RTL10: variants seen among roughly 807,000 people sequenced by gnomAD.
The protein encoded by RTL10 is retrotransposon Gag like 10, also known as protein Bop.
For synonymous variants in RTL10, 199 were observed against 188.4 expected, an observed-to-expected ratio of 1.06 and a Z score of -0.46; for missense variants, 477 against 470.7, an observed-to-expected ratio of 1.01 and a Z score of -0.12.
chr22:19,849,229 C>T lies in RTL10; in HGVS notation c.*1938G>A. On this transcript the variant is annotated 3_prime_UTR_variant, in exon 3 of 3. Transcript: ENST00000328554. ...GCTTCCCACCTATTTCCAAGGTTTC[C>T]AGTTGTTTTACCTACAAGGTATCTG... is the stretch of plus-strand genomic sequence containing the variant. The T allele has an allele frequency of 1.0e-6, 1 of 985,350 alleles. No individual in the cohort carries two copies. The highest frequency in any genetic ancestry group is 5.2e-4 in the Middle Eastern group (1 of 1,914). The allele number at this position is 985,350 out of a possible 1,614,324, so 61.0% of individuals were successfully genotyped here. A position where few individuals can be genotyped will look rare whatever the true frequency, so the allele number is the denominator to read the frequency against.
rs934459745 is a variant in RTL10, at chr22:19,850,645, T to C, written c.*522A>G. On this transcript the variant is annotated 3_prime_UTR_variant, in exon 3 of 3. Coordinates refer to ENST00000328554, the MANE Select transcript of RTL10 (RefSeq NM_024627.6). ...ATCCCCCAGAATCAAAGTGGCCACT[T>C]CCTCCAGGCAGCCTTCCTCACATTC... 15 of 1,225,804 alleles carry C rather than the reference T, an allele frequency of 1.2e-5. No homozygotes were observed. The highest frequency in any genetic ancestry group is 1.6e-5 in the African/African-American group (1 of 64,244). 75.9% of individuals were successfully genotyped at this position (1,225,804 alleles called of 1,614,324 possible).
rs1194833790 is a variant in RTL10 at position 19,847,385 on chromosome 22, C to T, written c.*3782G>A. 1.0e-6 allele frequency: 1 copy of T among 985,294 alleles called. No homozygotes were observed. Among genetic ancestry groups the T allele is most frequent in the Admixed American group, 6.2e-5 (1 of 16,254 alleles). The allele number at this position is 985,294 out of a possible 1,614,324, so 61.0% of individuals were successfully genotyped here. A position where few individuals can be genotyped will look rare whatever the true frequency, so the allele number is the denominator to read the frequency against. On this transcript the variant is annotated 3_prime_UTR_variant, in exon 3 of 3. Coordinates refer to ENST00000328554, the MANE Select transcript of RTL10 (RefSeq NM_024627.6). ...TTATTGCTGGATCTTTGGGCTTTTCCAGTTCTGCTGTTCAAAAAACAGTGA... is the reference window on the plus strand; with the variant it reads ...TTATTGCTGGATCTTTGGGCTTTTCTAGTTCTGCTGTTCAAAAAACAGTGA...
chr22:19,851,891 T>C lies in RTL10; in HGVS notation c.371A>G (p.Tyr124Cys), dbSNP rs1208175241. The C allele has an allele frequency of 1.2e-6, 2 of 1,613,936 alleles. No homozygotes were observed. Among genetic ancestry groups the C allele is most frequent in the Non-Finnish European group, 1.7e-6 (2 of 1,180,038 alleles). The change falls in exon 3 of 3, where the codon TAC becomes TGC. Residue 124 changes from tyrosine to cysteine, a missense_variant. By Grantham distance (194) the Tyr-to-Cys change is radical (BLOSUM62 -2). Coordinates refer to ENST00000328554, the MANE Select transcript of RTL10 (RefSeq NM_024627.6). ...ATAGTGCTCAAAGTGGAAGGACATG[T>C]AATCGCCCAGCTGGGCCAAGAAGCG... Reference protein sequence around the residue: ...LDRFLAQLGDYMSFHFEHYQD... With the variant: ...LDRFLAQLGDCMSFHFEHYQD...
chr22:19,854,277 G>A (rs1938183243), intron 2 of RTL10, among the ~76,000 whole-genome samples, 166 bp downstream of exon 2: 1 of 152,212 alleles, frequency 6.6e-6, no homozygotes, highest in Admixed American at 6.5e-5. Context: ...CACCTGGAAC[G>A]CTGGAGCCGT....
rs1937997524 is a variant in RTL10, at chr22:19,847,804, C to CAAACAAAAAAAAAAAAAAA, written c.*3362_*3363insTTTTTTTTTTTTTTTGTTT. 1 of 533,108 alleles carries CAAACAAAAAAAAAAAAAAA rather than the reference C, an allele frequency of 1.9e-6. No individual in the cohort carries two copies. The highest frequency in any genetic ancestry group is 2.9e-5 in the African/African-American group (1 of 34,590). The allele number at this position is 533,108 out of a possible 1,614,324, so 33.0% of individuals were successfully genotyped here. A position where few individuals can be genotyped will look rare whatever the true frequency, so the allele number is the denominator to read the frequency against. On this transcript the variant is annotated 3_prime_UTR_variant, in exon 3 of 3. Coordinates refer to ENST00000328554, the MANE Select transcript of RTL10 (RefSeq NM_024627.6). ...ACTTTTAAAATCCTGGAATCATAGG[C>CAAACAAAAAAAAAAAAAAA]AAAAAAAAAAAAAAAAAAAAATTCA...
chr22:19,851,321 G>C lies in RTL10; in HGVS notation c.941C>G (p.Pro314Arg), dbSNP rs148997148. The stretch of plus-strand genomic sequence containing the variant: ...TGGACCTCCTGGATGAGCTGGGTCT[G>C]GTCTCTGGGCAGGAGGATTAGCTGA... ...SESANPPAQRPDPAHPGGPKP... is the reference protein window; with the variant it reads ...SESANPPAQRRDPAHPGGPKP... Residue 314 changes from proline (P) to arginine (R), a missense_variant, in exon 3 of 3, where the codon CCA becomes CGA. Transcript: ENST00000328554. 2.5e-6 allele frequency: 4 copies of C among 1,613,996 alleles called. No homozygotes were observed. Among genetic ancestry groups the C allele is most frequent in the African/African-American group, 2.7e-5 (2 of 74,914 alleles).
At position 19,852,110 on chromosome 22, in the gene RTL10, C is replaced by G. The variant is rs1166128441; in HGVS notation, c.152G>C (p.Cys51Ser). 6 of 1,614,126 alleles carry G rather than the reference C, an allele frequency of 3.7e-6. No individual in the cohort carries two copies. In the African/African-American group the frequency reaches 5.3e-5, roughly 14 times the overall value. The change falls in exon 3 of 3, where the codon TGC becomes TCC. Residue 51 changes from cysteine (C) to serine (S), a missense_variant. Cys to Ser is a moderately radical substitution (Grantham distance 112). Coordinates refer to ENST00000328554, the MANE Select transcript of RTL10 (RefSeq NM_024627.6). ...TCGCACACACACGGTGTCCCCACAG[C>G]AGGGCCGCTCAATCCAGGGATCCAC... ...PLVDPWIERPCCGDTVCVRTT... is the reference protein window; with the variant it reads ...PLVDPWIERPSCGDTVCVRTT...
rs899836963 is a variant in RTL10 at position 19,854,844 on chromosome 22, T to A, written c.-507A>T. 2 of 152,270 alleles carry A rather than the reference T, an allele frequency of 1.3e-5. No individual in the cohort carries two copies. Among genetic ancestry groups the A allele is most frequent in the Admixed American group, 6.5e-5 (1 of 15,288 alleles). The allele number at this position is 152,270 out of a possible 1,614,324, so 9.4% of individuals were successfully genotyped here. A position where few individuals can be genotyped will look rare whatever the true frequency, so the allele number is the denominator to read the frequency against. On this transcript the variant is annotated 5_prime_UTR_variant, in exon 1 of 3. Transcript: ENST00000328554. ...CCCTCTTGCCGGAGTCGGGAACGCC[T>A]GCTCCTAGGAGCGCCGCGCAGCGTC... is the stretch of plus-strand genomic sequence containing the variant.
rs181133678 is a variant in RTL10, at chr22:19,849,054, G to A, written c.*2113C>T. 5.1e-4 allele frequency: 503 copies of A among 985,436 alleles called. 1 individual carries two copies. The highest frequency in any genetic ancestry group is 3.7e-3 in the Middle Eastern group (7 of 1,914). The allele number at this position is 985,436 out of a possible 1,614,324, so 61.0% of individuals were successfully genotyped here. On this transcript the variant is annotated 3_prime_UTR_variant, in exon 3 of 3. Coordinates refer to ENST00000328554, the MANE Select transcript of RTL10 (RefSeq NM_024627.6). ...GGGGATGGGGCCTGAGTCATCGGAC[G>A]GAGGGCAGCTGTGACCTGGCACAGA...
chr22:19,853,860 G>A (rs916593484), intron 2 of RTL10, among the ~76,000 whole-genome samples: 5 of 152,188 alleles, frequency 3.3e-5, no homozygotes, highest in African/African-American at 1.2e-4. Context: ...CCGATCCAGG[G>A]CCCAGCTCCC....
chr22:19,851,478 C>T lies in RTL10; in HGVS notation c.784G>A (p.Glu262Lys). ...GGCTCCTTGGGCCCAGGGGTGCTCT[C>T]CTTGGTCAGCTGCTGCTCGAACAGA... Reference protein sequence around the residue: ...SALFEQQLTKESTPGPKEPPV... With the variant: ...SALFEQQLTKKSTPGPKEPPV... Residue 262 changes from glutamate (E) to lysine (K), a missense_variant, in exon 3 of 3, where the codon GAG becomes AAG. Coordinates refer to ENST00000328554, the MANE Select transcript of RTL10 (RefSeq NM_024627.6). 6.2e-7 allele frequency: 1 copy of T among 1,614,102 alleles called. No homozygotes were observed. Among genetic ancestry groups the T allele is most frequent in the Non-Finnish European group, 8.5e-7 (1 of 1,180,028 alleles).
rs773329957 is a variant in RTL10, at chr22:19,847,203, G to A, written c.*3964C>T. The A allele has an allele frequency of 1.8e-5, 18 of 985,362 alleles. No individual in the cohort carries two copies. Among genetic ancestry groups the A allele is most frequent in the Non-Finnish European group, 2.2e-5 (18 of 829,978 alleles). The allele number at this position is 985,362 out of a possible 1,614,324, so 61.0% of individuals were successfully genotyped here. A position where few individuals can be genotyped will look rare whatever the true frequency, so the allele number is the denominator to read the frequency against. ...TCCAGGTAGGCTGTCGTCAGCACAGGTCTGACAGGCCCCAGCCACGGTGGC... is the reference window on the plus strand; with the variant it reads ...TCCAGGTAGGCTGTCGTCAGCACAGATCTGACAGGCCCCAGCCACGGTGGC... On this transcript the variant is annotated 3_prime_UTR_variant, in exon 3 of 3. Coordinates refer to ENST00000328554, the MANE Select transcript of RTL10 (RefSeq NM_024627.6).
Position 19,851,588 on chromosome 22 carries a change from AG to A in RTL10, c.673del (p.Leu225SerfsTer35). The A allele has an allele frequency of 6.2e-7, 1 of 1,602,688 alleles. No individual in the cohort carries two copies. Among genetic ancestry groups the A allele is most frequent in the Non-Finnish European group, 8.5e-7 (1 of 1,172,486 alleles). On this transcript the variant is annotated frameshift_variant, in exon 3 of 3. Transcript: ENST00000328554. LOFTEE classifies it low-confidence loss of function (END_TRUNC). ...YLARFLEGLA[L>X]DMGTAPRSLP... is the part of the protein sequence containing the mutation. Reference sequence around the variant, plus strand: ...AGACCTGGGGGCAGTACCCATGTCGAGTGCCAGGCCCTCTAAGAACCTAGCT... The same window carrying A: ...AGACCTGGGGGCAGTACCCATGTCGATGCCAGGCCCTCTAAGAACCTAGCT...
Position 19,850,588 on chromosome 22 carries a change from A to G in RTL10, c.*579T>C. 8.5e-7 allele frequency: 1 copy of G among 1,180,314 alleles called. No homozygotes were observed. Among genetic ancestry groups the G allele is most frequent in the Non-Finnish European group, 1.0e-6 (1 of 955,442 alleles). 73.1% of individuals were successfully genotyped at this position (1,180,314 alleles called of 1,614,324 possible). On this transcript the variant is annotated 3_prime_UTR_variant, in exon 3 of 3. Coordinates refer to ENST00000328554, the MANE Select transcript of RTL10 (RefSeq NM_024627.6). ...AGAACTGCTGGTAATCCCACAGGAA[A>G]CATCATTCTTTGCCAAGATGCTATC...
chr22:19,847,803 GCAAAAAA>G lies in RTL10; in HGVS notation c.*3357_*3363del, dbSNP rs1016094439. On this transcript the variant is annotated 3_prime_UTR_variant, in exon 3 of 3. Transcript: ENST00000328554. ...AACTTTTAAAATCCTGGAATCATAG[GCAAAAAA>G]AAAAAAAAAAAAAAATTCACCCATA... 6.8e-6 allele frequency: 3 copies of G among 440,436 alleles called. No homozygotes were observed. The African/African-American group carries it at 1.3e-4, about 19-fold the overall frequency. The allele number at this position is 440,436 out of a possible 1,614,324, so 27.3% of individuals were successfully genotyped here. A position where few individuals can be genotyped will look rare whatever the true frequency, so the allele number is the denominator to read the frequency against.
rs1938109017 is a variant in RTL10 at position 19,851,822 on chromosome 22, G to A, written c.440C>T (p.Thr147Ile). 1.2e-6 allele frequency: 2 copies of A among 1,614,012 alleles called. No individual in the cohort carries two copies. The highest frequency in any genetic ancestry group is 8.5e-7 in the Non-Finnish European group (1 of 1,180,002). Residue 147 changes from threonine (T) to isoleucine (I), a missense_variant, in exon 3 of 3, where the codon ACA (threonine) becomes ATA (isoleucine). Thr to Ile is a moderately conservative substitution (Grantham distance 89). Coordinates refer to ENST00000328554, the MANE Select transcript of RTL10 (RefSeq NM_024627.6). ...SRVCEILRRL[T>I]GRAQAWAAPY... ...GGCTGCCCAGGCCTGGGCTCGGCCT[G>A]TTAGGCGCCTGAGGATCTCGCAGAC...
Position 19,851,355 on chromosome 22 carries a change from G to A in RTL10, c.907C>T (p.Leu303=). ...GCAGGAGGATTAGCTGACTCCGACA[G>A]TCTAGGGACAGGTGTGGGGGCTGCC... ...EEAAPTPVPR[L]SESANPPAQR... is the part of the protein sequence containing the mutation. Residue 303 remains leucine, a synonymous_variant, in exon 3 of 3, where the codon CTG becomes TTG. Coordinates refer to ENST00000328554, the MANE Select transcript of RTL10 (RefSeq NM_024627.6). 1 of 1,614,190 alleles carries A rather than the reference G, an allele frequency of 6.2e-7. No homozygotes were observed. Among genetic ancestry groups the A allele is most frequent in the Non-Finnish European group, 8.5e-7 (1 of 1,180,036 alleles).
rs1169703426 is a variant in RTL10 at position 19,850,250 on chromosome 22, C to A, written c.*917G>T. ...CACCACCTCAGCCAGTAATCCAACA[C>A]GTGTTTAATGAGCACCAATTGTGTA... On this transcript the variant is annotated 3_prime_UTR_variant, in exon 3 of 3. Transcript: ENST00000328554. 3 of 985,318 alleles carry A rather than the reference C, an allele frequency of 3.0e-6. No homozygotes were observed. The highest frequency in any genetic ancestry group is 9.4e-5 in the South Asian group (2 of 21,288). 61.0% of individuals were successfully genotyped at this position (985,318 alleles called of 1,614,324 possible). A position where few individuals can be genotyped will look rare whatever the true frequency, so the allele number is the denominator to read the frequency against.
rs941435405 is a variant in RTL10 at position 19,848,223 on chromosome 22, G to C, written c.*2944C>G. 4.1e-6 allele frequency: 4 copies of C among 985,248 alleles called. No individual in the cohort carries two copies. The African/African-American group carries it at 7.0e-5, about 17-fold the overall frequency. 61.0% of individuals were successfully genotyped at this position (985,248 alleles called of 1,614,324 possible). On this transcript the variant is annotated 3_prime_UTR_variant, in exon 3 of 3. Coordinates refer to ENST00000328554, the MANE Select transcript of RTL10 (RefSeq NM_024627.6). ...TATCTTCAGGAAATAAAATCTCTGG[G>C]TATTTCCAAGGGAAGTGAAGGACTG...
Sources: allele counts gnomAD v4.1 joint callset (sites outside exome capture counted in the v4.1 genomes callset), GRCh38; gene constraint gnomAD v4.1.1; transcripts MANE v1.5; gene names NCBI Gene and HGNC (gene_info 2026-07-23, HGNC 2026-07-21).